CEP112: variants seen among roughly 807,000 people sequenced by gnomAD.
CEP112 encodes centrosomal protein 112.
Under a neutral mutation model 153.0 loss-of-function variants are expected in CEP112, and 127 were observed. The ratio of observed to expected loss-of-function variants is 0.83; its 90% CI spans 0.72 to 0.96. CEP112 has a LOEUF of 0.96. CEP112 is among the 40% of genes least tolerant of loss of function. CEP112 has a pLI of 0.00. For missense variants in CEP112, 1,089 were observed against 1,101.2 expected (o/e 0.99, Z 0.16); for synonymous variants, 358 against 374.4 (o/e 0.96, Z 0.51).
chr17:65,929,168 A>G (rs1324807167), intron 18 of CEP112, among the ~76,000 whole-genome samples: 1 of 152,212 alleles, frequency 6.6e-6, no homozygotes, highest in Non-Finnish European at 1.5e-5. Flanking sequence ...AAAACCACTG[A>G]ATTGTACACA....
intron 20 of CEP112, among the ~76,000 whole-genome samples, chr17:65,894,602 A>G (rs1209018475): frequency 6.6e-6 from 1 of 152,110 alleles, no homozygotes; most frequent in African/African-American, 2.4e-5. Context: ...TGAATATAAC[A>G]AATATCCACA....
At chr17:66,089,732 G>T (rs1568478824) in intron 8 of CEP112, among the ~76,000 whole-genome samples, 3 of 151,868 alleles carry the variant, frequency 2.0e-5, no homozygotes, top group Non-Finnish European at 4.4e-5. Context: ...AGCTAAAGAA[G>T]AAAAAGAGAG....
At chr17:65,803,023 G>A (rs1370332367) in intron 21 of CEP112, among the ~76,000 whole-genome samples, 2 of 152,182 alleles carry the variant, frequency 1.3e-5, no homozygotes, top group African/African-American at 2.4e-5. Flanking sequence ...AATTCCACCT[G>A]GCTTTCTGTC....
intron 8 of CEP112, among the ~76,000 whole-genome samples, chr17:66,084,658 G>T (rs952591896): frequency 2.6e-5 from 4 of 152,086 alleles, no homozygotes; most frequent in Non-Finnish European, 2.9e-5. Flanking sequence ...TGGTTATTAG[G>T]GGCTGGAAAG....
intron 22 of CEP112, among the ~76,000 whole-genome samples, chr17:65,746,180 A>AAG (rs1555638001): frequency 1.3e-5 from 2 of 150,476 alleles, no homozygotes; most frequent in African/African-American, 4.9e-5. Flanking sequence ...AAAAAAAAAA[A>AAG]AAAAAAAAGA....
rs866472085 is a variant in CEP112, at chr17:66,167,695, C to T, written c.470+7349G>A. The stretch of plus-strand genomic sequence containing the variant: ...ATAAAGTACTTATGCCTATATGATA[C>T]ACTAGAAAGAACATGGGTGTGAAAT... On this transcript the variant is annotated intron_variant, in intron 4 of 26. Coordinates refer to ENST00000535342, the MANE Select transcript of CEP112 (RefSeq NM_001199165.4). Among the ~76,000 whole-genome samples, 6 of 152,284 alleles carry T rather than the reference C, an allele frequency of 3.9e-5. 1 individual carries two copies. In the Middle Eastern group the frequency reaches 0.01, roughly 259 times the overall value.
chr17:65,681,724 A>G, intron 24 of CEP112, among the ~76,000 whole-genome samples: 1 of 143,172 alleles, frequency 7.0e-6, no homozygotes, highest in South Asian at 2.2e-4. Flanking sequence ...CCCAGGCTGG[A>G]GTACAGTGGT....
intron 21 of CEP112, among the ~76,000 whole-genome samples, chr17:65,806,647 G>T (rs2055620897): frequency 6.6e-6 from 1 of 152,166 alleles, no homozygotes; most frequent in South Asian, 2.1e-4. Flanking sequence ...AGATCTGATG[G>T]TTTAAAAATG....
intron 4 of CEP112, among the ~76,000 whole-genome samples, chr17:66,174,677 A>G (rs980163507): frequency 1.3e-5 from 2 of 152,224 alleles, no homozygotes; most frequent in Non-Finnish European, 2.9e-5. Flanking sequence ...AAGAAAGCAC[A>G]GTCTAATGGG....
intron 20 of CEP112, among the ~76,000 whole-genome samples, chr17:65,880,601 G>GA (rs750003328): frequency 1.9e-4 from 29 of 152,118 alleles, no homozygotes; most frequent in Non-Finnish European, 3.7e-4. Flanking sequence ...TTCTAAAGAA[G>GA]GTAGCATTGT....
intron 8 of CEP112, among the ~76,000 whole-genome samples, chr17:66,091,852 T>C (rs556296074): frequency 2.6e-5 from 4 of 152,218 alleles, no homozygotes; most frequent in African/African-American, 9.6e-5. Flanking sequence ...GATGTTAGAA[T>C]TGATGCCACA....
intron 6 of CEP112, among the ~76,000 whole-genome samples, chr17:66,124,209 T>A (rs577303864): frequency 9.2e-5 from 14 of 152,218 alleles, no homozygotes; most frequent in South Asian, 8.3e-4. Context: ...CTGGAACTTG[T>A]ATGGTTCATA....
intron 20 of CEP112, among the ~76,000 whole-genome samples, chr17:65,863,740 ACT>A (rs1421113652): frequency 7.9e-6 from 1 of 126,362 alleles, no homozygotes; most frequent in Non-Finnish European, 1.7e-5. Context: ...ACAGAGCAAG[ACT>A]CTGTCTCAAA....
At chr17:65,693,446 T>G (rs914658106) in intron 23 of CEP112, among the ~76,000 whole-genome samples, 1 of 126,680 alleles carries the variant, frequency 7.9e-6, no homozygotes, top group East Asian at 2.1e-4. Flanking sequence ...CTCAGTGAAG[T>G]CAAGGGATTA....
Position 66,048,546 on chromosome 17 carries a change from T to C in CEP112, c.1218+5190A>G, listed in dbSNP as rs367853921. On this transcript the variant is annotated intron_variant, in intron 12 of 26. Coordinates refer to ENST00000535342, the MANE Select transcript of CEP112 (RefSeq NM_001199165.4). ...ACTTTAAAGTTTTTCATAGAATATA[T>C]AGGCGAACCTTCTTGCACTTACAAT... is the stretch of plus-strand genomic sequence containing the variant. Among the ~76,000 whole-genome samples the C allele has an allele frequency of 1.6e-4, 24 of 152,362 alleles. No individual in the cohort carries two copies. The East Asian group carries it at 2.3e-3, about 15-fold the overall frequency.
chr17:65,721,915 T>C (rs2049911252), intron 23 of CEP112, among the ~76,000 whole-genome samples: 1 of 151,784 alleles, frequency 6.6e-6, no homozygotes, highest in Non-Finnish European at 1.5e-5. Flanking sequence ...ACTGCCCACA[T>C]GAGAAATGGC....
intron 20 of CEP112, among the ~76,000 whole-genome samples, chr17:65,898,287 T>C (rs935408072): frequency 6.6e-6 from 1 of 152,110 alleles, no homozygotes; most frequent in Non-Finnish European, 1.5e-5. Flanking sequence ...CTTTAAAGAA[T>C]GATAGCCAAT....
At chr17:66,160,263 C>A (rs778131002) in intron 4 of CEP112, among the ~76,000 whole-genome samples, 15 of 152,188 alleles carry the variant, frequency 9.9e-5, no homozygotes, top group Non-Finnish European at 2.1e-4. Context: ...AATGGCCATA[C>A]TATCCAAAGT....
chr17:65,689,223 A>G lies in CEP112; in HGVS notation c.2608-5T>C. 6.3e-7 allele frequency: 1 copy of G among 1,594,584 alleles called. No individual in the cohort carries two copies. The highest frequency in any genetic ancestry group is 8.6e-7 in the Non-Finnish European group (1 of 1,162,426). On this transcript the variant is annotated splice_polypyrimidine_tract_variant and splice_region_variant and intron_variant, in intron 23 of 26. Transcript: ENST00000535342. ...TTCTAATTCATCTTGTAAAACCTGAAACGGTATAAAATAAAGATATCATTA... is the reference window on the plus strand; with the variant it reads ...TTCTAATTCATCTTGTAAAACCTGAGACGGTATAAAATAAAGATATCATTA...
Sources: gnomAD v4.1 joint callset for allele counts (sites outside exome capture counted in the v4.1 genomes callset) on GRCh38, gnomAD v4.1.1 for gene constraint, MANE v1.5 for transcripts, NCBI Gene and HGNC (gene_info 2026-07-23, HGNC 2026-07-21) for gene names.